Variants in G3BP2 observed in about 807,000 individuals in gnomAD.
G3BP2 encodes ras GTPase-activating protein-binding protein 2.
In G3BP2, 11 loss-of-function variants were observed where a neutral mutation model predicts 56.7. The ratio of observed to expected loss-of-function variants is 0.19; its 90% CI spans 0.12 to 0.32. The LOEUF is 0.32. G3BP2 is among the 10% of genes least tolerant of loss of function. The probability of loss-of-function intolerance (pLI) is 1.00; values close to 1 mark genes in which losing one functional copy is unlikely to be tolerated. For missense variants in G3BP2, 340 were observed against 610.9 expected (o/e 0.56, Z 4.67); for synonymous variants, 165 against 191.6 (o/e 0.86, Z 1.15).
chr4:75,656,212 G>A lies in G3BP2; in HGVS notation c.443-342C>T, dbSNP rs558926000. Among the ~76,000 whole-genome samples the A allele has an allele frequency of 4.6e-5, 7 of 151,394 alleles. No homozygotes were observed. In the South Asian group the frequency reaches 1.3e-3, roughly 27 times the overall value. ...TCACTGCATTGGCCAGGCTGGTCCC[G>A]AACTCCTGGCCTCAAGTGATCCACC... On this transcript the variant is annotated intron_variant, in intron 5 of 11. Coordinates refer to ENST00000359707, the MANE Select transcript of G3BP2 (RefSeq NM_203505.3).
intron 3 of G3BP2, among the ~76,000 whole-genome samples, chr4:75,705,543 C>A (rs960370992): frequency 2.0e-5 from 3 of 152,046 alleles, no homozygotes; most frequent in African/African-American, 7.2e-5. Context: ...GTTGGGAGAG[C>A]CAGAGAAGAG....
intron 3 of G3BP2, among the ~76,000 whole-genome samples, chr4:75,701,263 C>G (rs1719333370): frequency 6.6e-6 from 1 of 152,138 alleles, no homozygotes; most frequent in Non-Finnish European, 1.5e-5. Context: ...AAATAATATT[C>G]TAGTTACTGC....
chr4:75,721,200 C>T (rs1440551905), intron 2 of G3BP2, among the ~76,000 whole-genome samples: 1 of 151,504 alleles, frequency 6.6e-6, no homozygotes, highest in Non-Finnish European at 1.5e-5. Flanking sequence ...CTCAGCCTCC[C>T]AAAGTGCTGG....
At position 75,720,840 on chromosome 4, in the gene G3BP2, T is replaced by TAAATAAATAAATAAAA. The variant is rs1437096552; in HGVS notation, c.-25+36_-25+37insTTTTATTTATTTATTT. ...ATAAATAAATAAATAAATAAATAAA[T>TAAATAAATAAATAAAA]AAAAATATTTTGAAGCCTGGGGCAG... On this transcript the variant is annotated intron_variant, in intron 3 of 3. Coordinates refer to the G3BP2 transcript ENST00000499709. Among the ~76,000 whole-genome samples the TAAATAAATAAATAAAA allele has an allele frequency of 3.7e-5, 5 of 135,576 alleles. No homozygotes were observed. The South Asian group carries it at 7.1e-4, about 19-fold the overall frequency. 88.9% of individuals were successfully genotyped at this position (135,576 alleles called of 152,430 possible). A position where few individuals can be genotyped will look rare whatever the true frequency, so the allele number is the denominator to read the frequency against.
intron 1 of G3BP2, among the ~76,000 whole-genome samples, chr4:75,662,736 G>A (rs1405977067): frequency 6.6e-6 from 1 of 152,070 alleles, no homozygotes; most frequent in Admixed American, 6.6e-5. Context: ...CTTATCCCCA[G>A]GAGGTCCAAT....
upstream of G3BP2, chr4:75,673,659 G>T: frequency 2.4e-6 from 3 of 1,224,710 alleles, no homozygotes; most frequent in Middle Eastern, 3.1e-4. Context: ...CAAGCAGGCT[G>T]CCTTTCTCCG....
upstream of G3BP2, among the ~76,000 whole-genome samples, chr4:75,676,517 A>G (rs1053852235): frequency 1.6e-4 from 24 of 151,818 alleles, no homozygotes; most frequent in African/African-American, 5.3e-4. Context: ...TAATTTTTCT[A>G]TTTTTAGTAG....
intron 3 of G3BP2, among the ~76,000 whole-genome samples, chr4:75,708,748 A>C (rs1002961450): frequency 6.6e-6 from 1 of 152,100 alleles, no homozygotes; most frequent in African/African-American, 2.4e-5. Context: ...AGGCAGGAGG[A>C]TCGCTTGCAC....
intron 3 of G3BP2, among the ~76,000 whole-genome samples, chr4:75,706,458 T>C (rs1414461007): frequency 2.6e-5 from 4 of 152,146 alleles, no homozygotes; most frequent in African/African-American, 9.7e-5. Flanking sequence ...GGTGTGACCT[T>C]AGCCGAATGA....
intron 3 of G3BP2, among the ~76,000 whole-genome samples, chr4:75,720,395 C>T (rs568501239): frequency 4.0e-5 from 6 of 150,898 alleles, no homozygotes; most frequent in Admixed American, 1.3e-4. Context: ...CCAGCTACTC[C>T]AGAGGCTGAG....
chr4:75,648,753 AG>A lies in G3BP2; in HGVS notation c.826-13del. On this transcript the variant is annotated splice_polypyrimidine_tract_variant and intron_variant, in intron 8 of 11. Coordinates refer to ENST00000359707, the MANE Select transcript of G3BP2 (RefSeq NM_203505.3). The stretch of plus-strand genomic sequence containing the variant: ...GCTTCGACTCTTGGCTAAAATATAA[AG>A]AAAAAAAAACATTATAAAAAACACT... 6.5e-7 allele frequency: 1 copy of A among 1,549,212 alleles called. No individual in the cohort carries two copies. The highest frequency in any genetic ancestry group is 8.9e-7 in the Non-Finnish European group (1 of 1,124,674).
intron 6 of G3BP2, 107 bp from the exon 7 acceptor site, chr4:75,655,353 C>A: frequency 1.3e-6 from 1 of 797,970 alleles, no homozygotes; most frequent in Non-Finnish European, 2.1e-6. Flanking sequence ...ATAACTTGTT[C>A]TAGATCTACA....
At chr4:75,690,755 G>T (rs1303378830) in intron 3 of G3BP2, among the ~76,000 whole-genome samples, 1 of 151,946 alleles carries the variant, frequency 6.6e-6, no homozygotes, top group African/African-American at 2.4e-5. Context: ...GTAGAGACAG[G>T]GTTTCACCAT....
intron 3 of G3BP2, among the ~76,000 whole-genome samples, chr4:75,693,947 T>C (rs1718988729): frequency 6.6e-6 from 1 of 151,964 alleles, no homozygotes. Flanking sequence ...TACTATATTG[T>C]CTAGGGTGGT....
At chr4:75,651,100 G>A (rs965854790) in intron 8 of G3BP2, among the ~76,000 whole-genome samples, 1 of 152,288 alleles carries the variant, frequency 6.6e-6, no homozygotes, top group South Asian at 2.1e-4. Context: ...ATGTGATGCT[G>A]AAAAAGGCAG....
rs1731136855 is a variant in G3BP2, at chr4:75,645,325, T to C, written c.*105A>G. ...AAAGATGCTTTTCACATCAAAGAAATGATCAAAAAGGCTGTGTCACATTCC... is the reference window on the plus strand; with the variant it reads ...AAAGATGCTTTTCACATCAAAGAAACGATCAAAAAGGCTGTGTCACATTCC... On this transcript the variant is annotated 3_prime_UTR_variant, in exon 12 of 12. Transcript: ENST00000359707. 9.9e-7 allele frequency: 1 copy of C among 1,013,102 alleles called. No homozygotes were observed. Among genetic ancestry groups the C allele is most frequent in the East Asian group, 2.5e-5 (1 of 40,746 alleles). 62.8% of individuals were successfully genotyped at this position (1,013,102 alleles called of 1,614,324 possible). A position where few individuals can be genotyped will look rare whatever the true frequency, so the allele number is the denominator to read the frequency against.
intron 3 of G3BP2, among the ~76,000 whole-genome samples, chr4:75,688,697 A>G (rs1195672242): frequency 6.6e-6 from 1 of 152,198 alleles, no homozygotes; most frequent in Non-Finnish European, 1.5e-5. Flanking sequence ...AAGGGCAAAA[A>G]CCTTGGATGA....
intron 7 of G3BP2, 47 bp from the exon 8 acceptor site, chr4:75,654,128 C>A: frequency 1.2e-6 from 1 of 861,588 alleles, no homozygotes; most frequent in Non-Finnish European, 2.0e-6. Flanking sequence ...GGAAAACCAC[C>A]AACATTCCTA....
In G3BP2 at chr4:75,643,306, T is replaced by TAG. The variant is rs1730992275; in HGVS notation, c.*2123_*2124insCT. 1 of 140,164 alleles carries TAG rather than the reference T, an allele frequency of 7.1e-6. No individual in the cohort carries two copies. The highest frequency in any genetic ancestry group is 1.6e-5 in the Non-Finnish European group (1 of 64,022). The allele number at this position is 140,164 out of a possible 1,614,324, so 8.7% of individuals were successfully genotyped here. A position where few individuals can be genotyped will look rare whatever the true frequency, so the allele number is the denominator to read the frequency against. On this transcript the variant is annotated 3_prime_UTR_variant, in exon 12 of 12. Coordinates refer to ENST00000359707, the MANE Select transcript of G3BP2 (RefSeq NM_203505.3). ...TCCTGAATTGGAAATTATATATATA[T>TAG]ATATATATATGGAAACAGAAATACA...
Sources: allele counts gnomAD v4.1 joint callset (sites outside exome capture counted in the v4.1 genomes callset), GRCh38; gene constraint gnomAD v4.1.1; transcripts MANE v1.5; gene names NCBI Gene and HGNC (gene_info 2026-07-23, HGNC 2026-07-21).